NPEPPS: variants seen among roughly 807,000 people sequenced by gnomAD.
NPEPPS encodes the protein aminopeptidase puromycin sensitive.
In NPEPPS, 14 loss-of-function variants were observed where a neutral mutation model predicts 115.5. The observed-to-expected ratio is 0.12, with a 90% CI of 0.08 to 0.19. The LOEUF (loss-of-function observed/expected upper bound fraction) is 0.19, where lower values mean the gene tolerates loss of function less well. Ranked by LOEUF, NPEPPS falls within the 10% of genes least tolerant of loss-of-function variation. The pLI is 1.00. For synonymous variants in NPEPPS, 285 were observed against 390.6 expected (o/e 0.73, Z 3.19); for missense variants, 523 against 1,110.8 (o/e 0.47, Z 7.52).
At chr17:47,594,183 A>G (rs1912692730) in intron 12 of NPEPPS, among the ~76,000 whole-genome samples, 1 of 152,162 alleles carries the variant, frequency 6.6e-6, no homozygotes, top group South Asian at 2.1e-4. Flanking sequence ...ACCTGAATGC[A>G]GCTTATAGGA....
At chr17:47,541,329 C>T (rs796591028) in intron 1 of NPEPPS, among the ~76,000 whole-genome samples, 1 of 151,620 alleles carries the variant, frequency 6.6e-6, no homozygotes, top group Non-Finnish European at 1.5e-5. Context: ...TTATTCATTT[C>T]ACCCATTGGA....
intron 17 of NPEPPS, among the ~76,000 whole-genome samples, chr17:47,612,183 G>C (rs1913911954): frequency 6.6e-6 from 1 of 152,146 alleles, no homozygotes; most frequent in African/African-American, 2.4e-5. Context: ...TAGCAGAGTA[G>C]TTAACTAGAC....
intron 1 of NPEPPS, among the ~76,000 whole-genome samples, chr17:47,537,245 T>C (rs1045411811): frequency 2.0e-5 from 3 of 152,290 alleles, no homozygotes; most frequent in African/African-American, 4.8e-5. Context: ...GGAATTGAAT[T>C]TGTTCAGATT....
chr17:47,611,998 A>G (rs1005107494), intron 17 of NPEPPS, among the ~76,000 whole-genome samples: 1 of 152,114 alleles, frequency 6.6e-6, no homozygotes. Context: ...ACATCTTTTT[A>G]TGTGCTTATT....
chr17:47,565,859 CAT>C (rs1482260524), intron 2 of NPEPPS, among the ~76,000 whole-genome samples: 9 of 152,000 alleles, frequency 5.9e-5, no homozygotes, highest in African/African-American at 1.7e-4. Flanking sequence ...GCCTGAATGA[CAT>C]AAAGTGTTTA....
chr17:47,597,043 G>A (rs1443850403), intron 13 of NPEPPS, among the ~76,000 whole-genome samples: 2 of 115,390 alleles, frequency 1.7e-5, no homozygotes, highest in East Asian at 2.9e-4. Flanking sequence ...GCGAGACTTC[G>A]TCTCAAAAAA....
chr17:47,615,217 A>G (rs1465841907), intron 19 of NPEPPS, among the ~76,000 whole-genome samples: 1 of 151,696 alleles, frequency 6.6e-6, no homozygotes, highest in African/African-American at 2.4e-5. Flanking sequence ...AGCTGGGACT[A>G]CAGGCACCCG....
intron 17 of NPEPPS, among the ~76,000 whole-genome samples, chr17:47,610,601 C>G (rs1047724778): frequency 6.6e-6 from 1 of 151,962 alleles, no homozygotes; most frequent in Non-Finnish European, 1.5e-5. Context: ...CCAGGATGGT[C>G]TCGAGCTGTT....
chr17:47,563,355 T>C (rs1910572786), intron 2 of NPEPPS, among the ~76,000 whole-genome samples: 2 of 152,046 alleles, frequency 1.3e-5, no homozygotes, highest in African/African-American at 4.8e-5. Context: ...ATACATGCTA[T>C]GTTTATAATC....
chr17:47,611,035 G>A (rs1250877586), intron 17 of NPEPPS, among the ~76,000 whole-genome samples: 2 of 150,268 alleles, frequency 1.3e-5, no homozygotes. Flanking sequence ...TTGTATTTTA[G>A]TAGAGACAGG....
At chr17:47,542,461 G>A (rs1384048756) in intron 1 of NPEPPS, among the ~76,000 whole-genome samples, 3 of 150,408 alleles carry the variant, frequency 2.0e-5, no homozygotes, top group Non-Finnish European at 2.9e-5. Context: ...CAGGAAAATC[G>A]CTTGAACCTG....
At chr17:47,542,244 T>C (rs4060770) in intron 1 of NPEPPS, among the ~76,000 whole-genome samples, 1 of 152,028 alleles carries the variant, frequency 6.6e-6, no homozygotes, top group Non-Finnish European at 1.5e-5. Flanking sequence ...TGTAGCTTTT[T>C]TAAAAAAAAT....
At chr17:47,534,979 T>A (rs1259389252) in intron 1 of NPEPPS, among the ~76,000 whole-genome samples, 2 of 151,612 alleles carry the variant, frequency 1.3e-5, no homozygotes, top group African/African-American at 4.8e-5. Flanking sequence ...GCACGGTGGC[T>A]CACACCTGTA....
At chr17:47,544,705 T>A (rs1347877269) in intron 1 of NPEPPS, among the ~76,000 whole-genome samples, 1 of 144,962 alleles carries the variant, frequency 6.9e-6, no homozygotes, top group Non-Finnish European at 1.5e-5. Context: ...GGCTGATTTT[T>A]GTATTCTTTT....
chr17:47,594,973 A>G (rs902459443), intron 12 of NPEPPS, among the ~76,000 whole-genome samples: 8 of 150,504 alleles, frequency 5.3e-5, no homozygotes, highest in African/African-American at 2.0e-4. Context: ...TCTGTCGCCC[A>G]GGCTGGAGTG....
chr17:47,621,209 G>A (rs1914551351), intron 22 of NPEPPS, among the ~76,000 whole-genome samples: 1 of 151,434 alleles, frequency 6.6e-6, no homozygotes, highest in South Asian at 2.1e-4. Context: ...AAGACCATGG[G>A]GTGTTAAATT....
intron 3 of NPEPPS, among the ~76,000 whole-genome samples, chr17:47,570,898 G>A (rs1015008778): frequency 6.6e-6 from 1 of 152,164 alleles, no homozygotes; most frequent in African/African-American, 2.4e-5. Context: ...TATATCAAGA[G>A]CCTAAATATG....
Position 47,621,951 on chromosome 17 carries a change from T to C in NPEPPS, c.*31T>C, listed in dbSNP as rs1914600231. ...GAGGTGCCGCCATTGGCGGTTCTGC[T>C]GCTTCGCTGCAGGGATAAGGTGGAG... On this transcript the variant is annotated 3_prime_UTR_variant, in exon 23 of 23. Transcript: ENST00000322157. 1.3e-6 allele frequency: 2 copies of C among 1,582,816 alleles called. No homozygotes were observed. The highest frequency in any genetic ancestry group is 2.7e-5 in the African/African-American group (2 of 74,378).
rs199810184 is a variant in NPEPPS, at chr17:47,599,694, T to C, written c.1555T>C (p.Leu519=). 518 of 1,562,500 alleles carry C rather than the reference T, an allele frequency of 3.3e-4. 1 individual carries two copies. The highest frequency in any genetic ancestry group is 4.3e-4 in the Non-Finnish European group (498 of 1,151,822). ...EAEQVEDDRL[L]RLSQKKFCAG... The stretch of plus-strand genomic sequence containing the variant: ...TCTTTAGGTAGAAGATGACAGATTA[T>C]TGAGGTTGTCCCAAAAGAAGTTCTG... Residue 519 remains leucine, a synonymous_variant, in exon 14 of 23, where the codon TTG becomes CTG. Transcript: ENST00000322157.
Sources: gnomAD v4.1 joint callset for allele counts (sites outside exome capture counted in the v4.1 genomes callset) on GRCh38, gnomAD v4.1.1 for gene constraint, MANE v1.5 for transcripts, NCBI Gene and HGNC (gene_info 2026-07-23, HGNC 2026-07-21) for gene names.